Variants in FAM13B observed in about 807,000 individuals in gnomAD.
FAM13B encodes family with sequence similarity 13 member B.
In FAM13B, 60 loss-of-function variants were observed where a neutral mutation model predicts 117.3. The ratio of observed to expected loss-of-function variants is 0.51; its 90% CI spans 0.42 to 0.63. The LOEUF is 0.63. Ranked by LOEUF, FAM13B falls within the 30% of genes least tolerant of loss-of-function variation. FAM13B has a pLI of 0.00. For missense variants in FAM13B, 972 were observed against 1,091.9 expected, an observed-to-expected ratio of 0.89 and a Z score of 1.55; for synonymous variants, 332 against 356.1, an observed-to-expected ratio of 0.93 and a Z score of 0.76.
At chr5:137,944,763 C>CAAAAAAA (rs56204519) in intron 20 of FAM13B, among the ~76,000 whole-genome samples, 1 of 147,602 alleles carries the variant, frequency 6.8e-6, no homozygotes, top group African/African-American at 2.5e-5. Context: ...ATCTCAAAAA[C>CAAAAAAA]AAAAAAAAAA....
chr5:137,982,989 G>A (rs114589139), intron 10 of FAM13B, among the ~76,000 whole-genome samples: 1,711 of 151,982 alleles, frequency 0.011, 27 homozygotes, highest in African/African-American at 0.04. Context: ...GTCTGGACTC[G>A]AGATACAAAT....
At chr5:137,990,669 AG>A (rs1384280948) in intron 7 of FAM13B, among the ~76,000 whole-genome samples, 10 of 152,272 alleles carry the variant, frequency 6.6e-5, no homozygotes, top group African/African-American at 2.4e-4. Flanking sequence ...GTTTAAAATA[AG>A]GAGCCAGGTG....
intron 1 of FAM13B, among the ~76,000 whole-genome samples, chr5:138,022,836 T>TA (rs1403994692): frequency 6.6e-6 from 1 of 151,938 alleles, no homozygotes; most frequent in African/African-American, 2.4e-5. Context: ...ATTTTCTTTT[T>TA]TTTTTTTTTC....
At chr5:138,015,419 AC>A (rs1194462022) in intron 4 of FAM13B, among the ~76,000 whole-genome samples, 1 of 152,240 alleles carries the variant, frequency 6.6e-6, no homozygotes, top group East Asian at 1.9e-4. Context: ...TTATTTATCT[AC>A]AGCTGGGTGC....
At chr5:138,011,392 T>C (rs374032701) in intron 5 of FAM13B, among the ~76,000 whole-genome samples, 27 of 152,256 alleles carry the variant, frequency 1.8e-4, no homozygotes, top group Middle Eastern at 3.4e-3. Context: ...GGAGACAATA[T>C]AATGATTCCA....
intron 7 of FAM13B, among the ~76,000 whole-genome samples, chr5:137,999,980 G>C (rs1192087337): frequency 6.6e-6 from 1 of 152,014 alleles, no homozygotes; most frequent in African/African-American, 2.4e-5. Context: ...GAAAATGTAA[G>C]AATCCTTCAC....
chr5:138,041,621 T>C (rs565577377), intron 1 of FAM13B, among the ~76,000 whole-genome samples: 102 of 152,004 alleles, frequency 6.7e-4, no homozygotes, highest in African/African-American at 2.2e-3. Context: ...TTACAATCAG[T>C]GTAAATATAT....
intron 10 of FAM13B, among the ~76,000 whole-genome samples, chr5:137,970,555 A>G (rs570042678): frequency 4.3e-4 from 66 of 152,314 alleles, no homozygotes; most frequent in African/African-American, 1.6e-3. Context: ...GTGTCAATTA[A>G]CAAGCAAAAT....
At chr5:137,961,563 C>T (rs1048535044) in intron 11 of FAM13B, among the ~76,000 whole-genome samples, 1 of 152,174 alleles carries the variant, frequency 6.6e-6, no homozygotes, top group Non-Finnish European at 1.5e-5. Context: ...GCTCCAGAGA[C>T]GTGGCTCCAA....
At position 138,047,363 on chromosome 5, in the gene FAM13B, G is replaced by A. The variant is rs1327864620; in HGVS notation, c.-203+4515C>T. Among the ~76,000 whole-genome samples the A allele has an allele frequency of 2.0e-5, 3 of 151,696 alleles. No individual in the cohort carries two copies. In the South Asian group the frequency reaches 6.2e-4, roughly 32 times the overall value. On this transcript the variant is annotated intron_variant, in intron 1 of 3. Transcript: ENST00000502471. ...CTACTAAAAAAAAAAAAAATTAGTA[G>A]GGCGTGGTAGCACACGCCTGTAGTC...
At chr5:137,959,845 G>A (rs930684821) in intron 12 of FAM13B, 82 bp from the exon 13 acceptor site, 1 of 1,368,864 alleles carries the variant, frequency 7.3e-7, no homozygotes, top group Non-Finnish European at 1.0e-6. Context: ...ACATATCCAA[G>A]TGTAGTCTTC....
chr5:138,021,507 C>G (rs976403790), intron 1 of FAM13B, among the ~76,000 whole-genome samples: 1 of 151,868 alleles, frequency 6.6e-6, no homozygotes, highest in African/African-American at 2.4e-5. Context: ...GTGTGGACAC[C>G]CTACCCCATC....
At chr5:138,045,376 A>G (rs941347776) in intron 1 of FAM13B, among the ~76,000 whole-genome samples, 1 of 151,956 alleles carries the variant, frequency 6.6e-6, no homozygotes, top group Admixed American at 6.6e-5. Flanking sequence ...TCTACAAAAA[A>G]TACAAAAATT....
At chr5:137,999,369 A>C (rs894599355) in intron 7 of FAM13B, among the ~76,000 whole-genome samples, 3 of 152,130 alleles carry the variant, frequency 2.0e-5, no homozygotes, top group Non-Finnish European at 4.4e-5. Context: ...TGAGGTCAGG[A>C]GTTTGAGACC....
intron 23 of FAM13B, among the ~76,000 whole-genome samples, chr5:137,941,529 C>T (rs543285392): frequency 3.9e-5 from 6 of 152,102 alleles, no homozygotes; most frequent in Non-Finnish European, 8.8e-5. Flanking sequence ...ACCTTGGAAA[C>T]GGGCAACCTC....
chr5:138,019,282 G>A, intron 2 of FAM13B, 136 bp from the exon 3 acceptor site: 2 of 691,564 alleles, frequency 2.9e-6, no homozygotes, highest in Non-Finnish European at 4.7e-6. Context: ...GGCCCATAGT[G>A]TGTTCTACAG....
intron 10 of FAM13B, among the ~76,000 whole-genome samples, chr5:137,968,326 G>A (rs947739006): frequency 6.7e-5 from 10 of 149,748 alleles, no homozygotes; most frequent in Non-Finnish European, 1.0e-4. Flanking sequence ...TTTTAATCCC[G>A]GCTACTTGGG....
chr5:137,947,725 C>A (rs575234968), intron 18 of FAM13B, among the ~76,000 whole-genome samples: 1 of 152,194 alleles, frequency 6.6e-6, no homozygotes, highest in South Asian at 2.1e-4. Flanking sequence ...GGATTACAGG[C>A]ATGTGCCACC....
chr5:138,047,354 AAAT>A (rs1196170666), intron 1 of FAM13B, among the ~76,000 whole-genome samples: 1 of 151,898 alleles, frequency 6.6e-6, no homozygotes, highest in Admixed American at 6.5e-5. Context: ...AAAAAAAAAA[AAAT>A]TAGTAGGGCG....
Sources: allele counts gnomAD v4.1 joint callset (sites outside exome capture counted in the v4.1 genomes callset), GRCh38; gene constraint gnomAD v4.1.1; transcripts MANE v1.5; gene names NCBI Gene and HGNC (gene_info 2026-07-23, HGNC 2026-07-21).